The following CTNNBIP1 variants were observed in gnomAD, a reference collection of about 807,000 sequenced individuals.
The protein encoded by CTNNBIP1 is beta-catenin-interacting protein 1.
CTNNBIP1 carries 7 observed loss-of-function variants against 11.8 expected under a neutral mutation model. That is an observed-to-expected ratio of 0.60 (90% CI 0.34 to 1.12). The LOEUF is 1.12. CTNNBIP1 is among the 50% of genes most tolerant of loss of function. The pLI, the probability that CTNNBIP1 is intolerant of heterozygous loss-of-function variation, is 0.03. For missense variants in CTNNBIP1, 101 were observed against 113.4 expected (o/e 0.89, Z 0.50); for synonymous variants, 58 against 43.9 (o/e 1.32, Z -1.26).
chr1:9,858,841 G>C (rs1638564412), intron 5 of CTNNBIP1, among the ~76,000 whole-genome samples: 2 of 152,164 alleles, frequency 1.3e-5, no homozygotes, highest in African/African-American at 4.8e-5. Context: ...GCAACTCAGT[G>C]AATCAGAGGC....
At chr1:9,892,420 TAAAAA>T (rs764342054) in intron 1 of CTNNBIP1, among the ~76,000 whole-genome samples, 2 of 112,302 alleles carry the variant, frequency 1.8e-5, no homozygotes, top group South Asian at 2.8e-4. Context: ...AGACTCCGTC[TAAAAA>T]AAAAAAAAAA....
intron 1 of CTNNBIP1, among the ~76,000 whole-genome samples, chr1:9,896,661 C>T (rs949516217): frequency 2.6e-5 from 4 of 151,726 alleles, no homozygotes; most frequent in Admixed American, 6.6e-5. Context: ...GGTAAAACCC[C>T]GTCTCTACTA....
chr1:9,889,319 G>C (rs1639249278), intron 1 of CTNNBIP1, among the ~76,000 whole-genome samples: 1 of 152,210 alleles, frequency 6.6e-6, no homozygotes, highest in East Asian at 1.9e-4. Context: ...GCAATATCTA[G>C]AGACATTTTT....
chr1:9,854,172 C>A (rs961276485), intron 5 of CTNNBIP1, among the ~76,000 whole-genome samples: 1 of 152,010 alleles, frequency 6.6e-6, no homozygotes, highest in African/African-American at 2.4e-5. Context: ...GTCAGGAGTT[C>A]GAGACCAGCC....
chr1:9,863,451 G>A (rs1166982533), intron 5 of CTNNBIP1, among the ~76,000 whole-genome samples: 4 of 152,202 alleles, frequency 2.6e-5, no homozygotes, highest in Non-Finnish European at 5.9e-5. Flanking sequence ...AGCCACATGC[G>A]GGGAGAGAGG....
chr1:9,897,583 C>T (rs1275236295), intron 1 of CTNNBIP1, among the ~76,000 whole-genome samples: 1 of 151,806 alleles, frequency 6.6e-6, no homozygotes, highest in African/African-American at 2.4e-5. Context: ...ACCCAGGAGG[C>T]GGAGGTTGCA....
At chr1:9,902,633 G>A (rs1055177662) in intron 1 of CTNNBIP1, among the ~76,000 whole-genome samples, 1 of 152,198 alleles carries the variant, frequency 6.6e-6, no homozygotes, top group African/African-American at 2.4e-5. Context: ...TGCATCTGGA[G>A]ATCATGTCCT....
At chr1:9,873,715 C>T (rs1436041217) in intron 3 of CTNNBIP1, among the ~76,000 whole-genome samples, 2 of 152,124 alleles carry the variant, frequency 1.3e-5, no homozygotes, top group African/African-American at 2.4e-5. Context: ...CTTTTCTCTA[C>T]ACAATAGCCA....
intron 1 of CTNNBIP1, among the ~76,000 whole-genome samples, chr1:9,893,949 G>C (rs1639358026): frequency 6.6e-6 from 1 of 152,184 alleles, no homozygotes; most frequent in Admixed American, 6.5e-5. Context: ...TGTACATGCT[G>C]TAAAAGGACA....
At chr1:9,869,941 A>T (rs1240025072) in intron 5 of CTNNBIP1, among the ~76,000 whole-genome samples, 1 of 152,260 alleles carries the variant, frequency 6.6e-6, no homozygotes, top group Admixed American at 6.5e-5. Flanking sequence ...AGGCTGCCGC[A>T]TGATCCAGGA....
In CTNNBIP1 at chr1:9,886,278, C is replaced by T. The variant is rs11806332; in HGVS notation, c.-143-2540G>A. 4.1e-3 allele frequency among the ~76,000 whole-genome samples: 630 copies of T among 152,264 alleles called. 7 individuals are homozygous for T. Among genetic ancestry groups the T allele is most frequent in the African/African-American group, 0.014 (602 of 41,532 alleles). On this transcript the variant is annotated intron_variant, in intron 1 of 5. Transcript: ENST00000377263. ...TCTCAGCAGGGTGCCGCTGACATTT[C>T]AGACTGGGTGCGTTTCTGCTGGAGG...
chr1:9,855,502 T>G (rs1347941258), intron 5 of CTNNBIP1, among the ~76,000 whole-genome samples: 2 of 152,108 alleles, frequency 1.3e-5, no homozygotes, highest in African/African-American at 4.8e-5. Flanking sequence ...GGCCAGTTGA[T>G]TTTTGACAAG....
intron 1 of CTNNBIP1, among the ~76,000 whole-genome samples, chr1:9,898,141 AAAAAATTTAAAAAGAAACCTAGAAGT>A: frequency 6.6e-6 from 1 of 151,810 alleles, no homozygotes; most frequent in East Asian, 1.9e-4. Context: ...AAATAAAATT[AAAAAATTTAAAAAGAAACCTAGAAGT>A]CATAAAATAT....
chr1:9,860,618 CAAAAA>C (rs35598626), intron 5 of CTNNBIP1, among the ~76,000 whole-genome samples: 4 of 101,136 alleles, frequency 4.0e-5, no homozygotes, highest in African/African-American at 1.0e-4. Flanking sequence ...CTTCATCTCT[CAAAAA>C]AAAAAAAAAA....
At chr1:9,897,771 G>A (rs749076093) in intron 1 of CTNNBIP1, among the ~76,000 whole-genome samples, 12 of 151,890 alleles carry the variant, frequency 7.9e-5, no homozygotes, top group Non-Finnish European at 1.6e-4. Flanking sequence ...CTGAGATCGT[G>A]CCACTGTATT....
At position 9,850,621 on chromosome 1, in the gene CTNNBIP1, G is replaced by A; in HGVS notation, c.*97C>T. The stretch of plus-strand genomic sequence containing the variant: ...GCAGGGTTGGGTAGGGGAAGGGGGA[G>A]GTGGGGCAAGGGGGGCTGCTGCCAC... On this transcript the variant is annotated 3_prime_UTR_variant, in exon 6 of 6. Coordinates refer to ENST00000377263, the MANE Select transcript of CTNNBIP1 (RefSeq NM_020248.3). 1 of 1,105,968 alleles carries A rather than the reference G, an allele frequency of 9.0e-7. No individual in the cohort carries two copies. The highest frequency in any genetic ancestry group is 1.7e-5 in the Admixed American group (1 of 58,974). The allele number at this position is 1,105,968 out of a possible 1,614,324, so 68.5% of individuals were successfully genotyped here. A position where few individuals can be genotyped will look rare whatever the true frequency, so the allele number is the denominator to read the frequency against.
chr1:9,868,242 C>T (rs1468308937), intron 5 of CTNNBIP1, among the ~76,000 whole-genome samples: 1 of 152,192 alleles, frequency 6.6e-6, no homozygotes, highest in Non-Finnish European at 1.5e-5. Flanking sequence ...CAACGATTCC[C>T]TGGGGTCTTC....
At chr1:9,898,030 G>A (rs139258289) in intron 1 of CTNNBIP1, among the ~76,000 whole-genome samples, 4,893 of 151,184 alleles carry the variant, frequency 0.032, 286 homozygotes, top group East Asian at 0.22. Flanking sequence ...CAGGAGAATC[G>A]CTTGAACCCA....
In CTNNBIP1 at chr1:9,851,822, C is replaced by A. The variant is rs1232336336; in HGVS notation, c.188-1046G>T. 6.6e-6 allele frequency among the ~76,000 whole-genome samples: 1 copy of A among 152,160 alleles called. No individual in the cohort carries two copies. Among genetic ancestry groups the A allele is most frequent in the African/African-American group, 2.4e-5 (1 of 41,438 alleles). ...AAAGCTCGAAATGCTGACCTGCCAC[C>A]CACACCCACAACTGCCTGGGGAGTT... is the stretch of plus-strand genomic sequence containing the variant. On this transcript the variant is annotated intron_variant, in intron 5 of 5. Coordinates refer to ENST00000377263, the MANE Select transcript of CTNNBIP1 (RefSeq NM_020248.3). This position sits in a 1 kb window ranked among gnomAD's most constrained non-coding sequence, Gnocchi z 4.8.
Sources: allele counts gnomAD v4.1 joint callset (sites outside exome capture counted in the v4.1 genomes callset), GRCh38; gene constraint gnomAD v4.1.1; non-coding constraint Gnocchi (gnomAD v3.1); transcripts MANE v1.5; gene names NCBI Gene and HGNC (gene_info 2026-07-23, HGNC 2026-07-21).